The following ZNF804B variants were observed in gnomAD, a reference collection of about 807,000 sequenced individuals.
ZNF804B encodes zinc finger protein 804B.
In ZNF804B, 80 loss-of-function variants were observed where a neutral mutation model predicts 101.4. The observed-to-expected ratio is 0.79, with a 90% CI of 0.66 to 0.95. The LOEUF (loss-of-function observed/expected upper bound fraction) is 0.95, where lower values mean the gene tolerates loss of function less well. Ranked by LOEUF, ZNF804B falls within the 40% of genes least tolerant of loss-of-function variation. The pLI is 0.00. For missense variants in ZNF804B, 1,673 were observed against 1,561.9 expected, an observed-to-expected ratio of 1.07 and a Z score of -1.20; for synonymous variants, 622 against 558.8, an observed-to-expected ratio of 1.11 and a Z score of -1.59.
chr7:88,877,060 T>TGAAAAAAAAAATATATATATATAA (rs1791964185), intron 1 of ZNF804B, among the ~76,000 whole-genome samples: 1 of 68,268 alleles, frequency 1.5e-5, no homozygotes, highest in Non-Finnish European at 2.7e-5. Flanking sequence ...TTTTTTTTTT[T>TGAAAAAAAAAATATATATATATAA]TTTTTTTTTT....
intron 1 of ZNF804B, among the ~76,000 whole-genome samples, chr7:89,170,166 T>G (rs2116432232): frequency 6.6e-6 from 1 of 152,342 alleles, no homozygotes; most frequent in Admixed American, 6.5e-5. Flanking sequence ...TTGATAAATT[T>G]TGTATGAAAA....
At chr7:89,271,704 T>A in intron 2 of ZNF804B, among the ~76,000 whole-genome samples, 1 of 152,088 alleles carries the variant, frequency 6.6e-6, no homozygotes, top group Non-Finnish European at 1.5e-5. Flanking sequence ...GGTCCTGGAC[T>A]TTTTTTGGTT....
rs1273156893 is a variant in ZNF804B at position 89,332,538 on chromosome 7, G to A, written c.381-825G>A. On this transcript the variant is annotated intron_variant, in intron 3 of 3. Transcript: ENST00000333190. The stretch of plus-strand genomic sequence containing the variant: ...CTTTCCAGTGAAGCCTTCTTTTATA[G>A]TAGAGGGTATATAGATAGACTGTTA... Among the ~76,000 whole-genome samples, 4 of 151,778 alleles carry A rather than the reference G, an allele frequency of 2.6e-5. No homozygotes were observed. In the East Asian group the frequency reaches 7.7e-4, roughly 29 times the overall value.
chr7:88,889,545 C>T (rs1209118582), intron 1 of ZNF804B, among the ~76,000 whole-genome samples: 1 of 151,720 alleles, frequency 6.6e-6, no homozygotes, highest in African/African-American at 2.4e-5. Flanking sequence ...TGATGATGAG[C>T]ATTTTTTTCA....
At chr7:89,178,939 T>G (rs1199406974) in intron 1 of ZNF804B, among the ~76,000 whole-genome samples, 3 of 152,168 alleles carry the variant, frequency 2.0e-5, no homozygotes, top group African/African-American at 7.2e-5. Flanking sequence ...TCTGGAACAA[T>G]TGATTCTAAG....
At position 88,862,020 on chromosome 7, in the gene ZNF804B, C is replaced by T. The variant is rs1791656762; in HGVS notation, c.108+101936C>T. On this transcript the variant is annotated intron_variant, in intron 1 of 3. Transcript: ENST00000333190. ...ACTTCAACATCTCCCATCTGCCAAC[C>T]TCACTAGCAACATCACTTCTATAGT... is the stretch of plus-strand genomic sequence containing the variant. Among the ~76,000 whole-genome samples, 4 of 152,304 alleles carry T rather than the reference C, an allele frequency of 2.6e-5. No individual in the cohort carries two copies. In the South Asian group the frequency reaches 8.3e-4, roughly 32 times the overall value.
chr7:88,994,107 A>G (rs541687001), intron 1 of ZNF804B, among the ~76,000 whole-genome samples: 64 of 152,096 alleles, frequency 4.2e-4, no homozygotes, highest in African/African-American at 1.4e-3. Flanking sequence ...AATAAATATT[A>G]TCTCACACTT....
chr7:88,801,115 T>C (rs1790574270), intron 1 of ZNF804B, among the ~76,000 whole-genome samples: 1 of 151,876 alleles, frequency 6.6e-6, no homozygotes, highest in Non-Finnish European at 1.5e-5. Context: ...ATGAGTAAGT[T>C]CTTTAGTGGT....
chr7:89,209,190 CA>C (rs1788765507), intron 1 of ZNF804B, among the ~76,000 whole-genome samples: 1 of 151,640 alleles, frequency 6.6e-6, no homozygotes, highest in African/African-American at 2.4e-5. Context: ...TCATTCTTTC[CA>C]AATTAGAAAC....
chr7:89,237,939 A>G (rs925442845), intron 2 of ZNF804B, among the ~76,000 whole-genome samples: 2 of 152,192 alleles, frequency 1.3e-5, no homozygotes, highest in Non-Finnish European at 2.9e-5. Flanking sequence ...CAAAGAAGAA[A>G]CTGTTAATTG....
At chr7:88,996,582 CTG>C (rs997574764) in intron 1 of ZNF804B, among the ~76,000 whole-genome samples, 5 of 152,126 alleles carry the variant, frequency 3.3e-5, no homozygotes, top group African/African-American at 1.2e-4. Flanking sequence ...GATGATAACT[CTG>C]AATGCAAGAT....
chr7:88,979,889 G>A (rs1379828924), intron 1 of ZNF804B, among the ~76,000 whole-genome samples: 2 of 150,654 alleles, frequency 1.3e-5, no homozygotes, highest in African/African-American at 4.9e-5. Context: ...TTTTGTAGGT[G>A]TGCTTCATTC....
chr7:89,112,284 T>C (rs568090423), intron 1 of ZNF804B, among the ~76,000 whole-genome samples: 1 of 152,302 alleles, frequency 6.6e-6, no homozygotes, highest in South Asian at 2.1e-4. Context: ...TATTTTGAGA[T>C]AATTTTTGTG....
At chr7:88,911,146 C>A (rs1288015130) in intron 1 of ZNF804B, among the ~76,000 whole-genome samples, 1 of 151,740 alleles carries the variant, frequency 6.6e-6, no homozygotes, top group African/African-American at 2.4e-5. Flanking sequence ...TATCTGAAGG[C>A]CGAGAGGTTA....
At chr7:88,771,180 C>G (rs935563573) in intron 1 of ZNF804B, among the ~76,000 whole-genome samples, 2 of 151,958 alleles carry the variant, frequency 1.3e-5, no homozygotes, top group Non-Finnish European at 2.9e-5. Flanking sequence ...AAGGCTTTCT[C>G]TTTTGGTTTT....
chr7:89,042,686 A>C (rs1789034369), intron 1 of ZNF804B, among the ~76,000 whole-genome samples: 1 of 152,172 alleles, frequency 6.6e-6, no homozygotes, highest in African/African-American at 2.4e-5. Context: ...CCTGCTCTGA[A>C]GGATTGGATA....
chr7:88,834,851 C>G (rs1030886342), intron 1 of ZNF804B, among the ~76,000 whole-genome samples: 1 of 151,760 alleles, frequency 6.6e-6, no homozygotes, highest in Non-Finnish European at 1.5e-5. Flanking sequence ...AAAAATAATA[C>G]ATTCTTAATA....
intron 1 of ZNF804B, among the ~76,000 whole-genome samples, chr7:88,810,121 G>T (rs1055234150): frequency 3.3e-5 from 5 of 151,902 alleles, no homozygotes; most frequent in Non-Finnish European, 1.5e-5. Flanking sequence ...TTGCAATTGC[G>T]TACAGATGTG....
At chr7:88,992,169 T>C (rs748766406) in intron 1 of ZNF804B, among the ~76,000 whole-genome samples, 7 of 152,184 alleles carry the variant, frequency 4.6e-5, no homozygotes, top group Non-Finnish European at 1.0e-4. Flanking sequence ...TTAGAAAATC[T>C]TCAGTCTCTC....
Sources: allele counts gnomAD v4.1 joint callset (sites outside exome capture counted in the v4.1 genomes callset), GRCh38; gene constraint gnomAD v4.1.1; transcripts MANE v1.5; gene names NCBI Gene and HGNC (gene_info 2026-07-23, HGNC 2026-07-21).